The following CCDC181 variants were observed in gnomAD, a reference collection of about 807,000 sequenced individuals.
CCDC181 encodes coiled-coil domain-containing protein 181.
A neutral mutation model predicts 58.7 loss-of-function variants in CCDC181; 35 were observed. The observed-to-expected ratio is 0.60, with a 90% CI of 0.46 to 0.79. The LOEUF is 0.79. CCDC181 is among the 30% of genes least tolerant of loss of function. CCDC181 has a pLI of 0.00. For missense variants in CCDC181, 517 were observed against 583.9 expected (o/e 0.89, Z 1.18); for synonymous variants, 183 against 197.5 (o/e 0.93, Z 0.62).
Position 169,422,287 on chromosome 1 carries a change from A to C in CCDC181, c.144T>G (p.Ile48Met). 6.4e-7 allele frequency: 1 copy of C among 1,571,386 alleles called. No homozygotes were observed. The highest frequency in any genetic ancestry group is 1.2e-5 in the South Asian group (1 of 85,570). ...IEMACEKEEN[I>M]NQDLKENETV... Reference sequence around the variant, plus strand: ...TCTCATTCTCTTTTAAGTCTTGGTTAATATTCTCTTCCTTCTCACAAGCCA... The same window carrying C: ...TCTCATTCTCTTTTAAGTCTTGGTTCATATTCTCTTCCTTCTCACAAGCCA... Residue 48 changes from isoleucine (I) to methionine (M), a missense_variant, in exon 3 of 6, where the codon ATT becomes ATG. Physicochemically the swap from Ile to Met is conservative, Grantham distance 10. Coordinates refer to ENST00000367806, the MANE Select transcript of CCDC181 (RefSeq NM_001300969.2).
At position 169,395,005 on chromosome 1, in the gene CCDC181, AT is replaced by A. The variant is rs776779627; in HGVS notation, c.*41del. 2.3e-5 allele frequency: 35 copies of A among 1,529,586 alleles called. No individual in the cohort carries two copies. In the South Asian group the frequency reaches 4.1e-4, roughly 18 times the overall value. The allele number at this position is 1,529,586 out of a possible 1,614,324, so 94.8% of individuals were successfully genotyped here. A position where few individuals can be genotyped will look rare whatever the true frequency, so the allele number is the denominator to read the frequency against. On this transcript the variant is annotated 3_prime_UTR_variant, in exon 6 of 6. Transcript: ENST00000367806. The stretch of plus-strand genomic sequence containing the variant: ...CAGACCCTAAGAAATCATATCCAAA[AT>A]TTTGATAGCAGCTGCCCACTGAAAT...
In CCDC181 at chr1:169,397,271, T is replaced by C. The variant is rs944149664; in HGVS notation, c.1336A>G (p.Lys446Glu). The change falls in exon 5 of 6, where the codon AAA (lysine) becomes GAA (glutamate). Residue 446 changes from lysine to glutamate, a missense_variant. Lys to Glu is a moderately conservative substitution (Grantham distance 56). Transcript: ENST00000367806. ...GCCCTTTCCCGGCCTTCTGTTCCTT[T>C]AAGGAAGAATAAACATTCCTCTTGC... The part of the protein sequence containing the change: ...RKQEECLFFL[K>E]GTEGRERAFK... 9 of 1,608,660 alleles carry C rather than the reference T, an allele frequency of 5.6e-6. No individual in the cohort carries two copies. Among genetic ancestry groups the C allele is most frequent in the Admixed American group, 1.7e-5 (1 of 58,940 alleles).
rs144653500 is a variant in CCDC181, at chr1:169,439,580, A to G, written c.-23-14630T>C. On this transcript the variant is annotated intron_variant, in intron 2 of 6. Transcript: ENST00000545005. The stretch of plus-strand genomic sequence containing the variant: ...CACGTTTGGTCTCAGGACTCACAGT[A>G]GCATCTCGGGGTGTGTTACAATTAA... Among the ~76,000 whole-genome samples the G allele has an allele frequency of 1.8e-3, 276 of 152,212 alleles. 1 individual carries two copies. Among genetic ancestry groups the G allele is most frequent in the African/African-American group, 6.2e-3 (257 of 41,522 alleles).
At chr1:169,414,949 A>C (rs1656144933) in intron 4 of CCDC181, among the ~76,000 whole-genome samples, 1 of 152,210 alleles carries the variant, frequency 6.6e-6, no homozygotes, top group African/African-American at 2.4e-5. Flanking sequence ...TATATTTTTG[A>C]GACAAACTTG....
At chr1:169,459,360 A>C (rs916399564) in intron 2 of CCDC181, among the ~76,000 whole-genome samples, 7 of 152,174 alleles carry the variant, frequency 4.6e-5, no homozygotes, top group Non-Finnish European at 8.8e-5. Flanking sequence ...GATTTTTGAA[A>C]TATTGCTTCT....
upstream of CCDC181, among the ~76,000 whole-genome samples, chr1:169,430,048 T>A (rs1656869220): frequency 6.6e-6 from 1 of 152,180 alleles, no homozygotes; most frequent in Admixed American, 6.5e-5. Context: ...CCAGCACCAT[T>A]TGTTGAATAT....
At chr1:169,408,450 G>T (rs773153447) in intron 4 of CCDC181, among the ~76,000 whole-genome samples, 2 of 152,252 alleles carry the variant, frequency 1.3e-5, no homozygotes, top group Non-Finnish European at 2.9e-5. Context: ...CCTGGGGGAA[G>T]GGGTGGCTGC....
At chr1:169,409,258 G>GCCAAATTGATAGTT (rs1432739353) in intron 4 of CCDC181, among the ~76,000 whole-genome samples, 3 of 152,118 alleles carry the variant, frequency 2.0e-5, no homozygotes, top group African/African-American at 7.2e-5. Context: ...ACTATCAATA[G>GCCAAATTGATAGTT]CCAAATCAAT....
intron 2 of CCDC181, among the ~76,000 whole-genome samples, chr1:169,447,873 A>G (rs1398344775): frequency 6.6e-6 from 1 of 152,030 alleles, no homozygotes; most frequent in Non-Finnish European, 1.5e-5. Context: ...CCTTTAATCT[A>G]TATATGTCTT....
chr1:169,422,415 G>A, intron 2 of CCDC181, 102 bp from the exon 3 acceptor site: 1 of 788,186 alleles, frequency 1.3e-6, no homozygotes, highest in Non-Finnish European at 1.9e-6. Flanking sequence ...TTATGAATGG[G>A]AAAATTTAAG....
chr1:169,426,026 C>T (rs1557873192), intron 1 of CCDC181, among the ~76,000 whole-genome samples: 1 of 151,880 alleles, frequency 6.6e-6, no homozygotes, highest in East Asian at 1.9e-4. Flanking sequence ...GGTTAGGGGT[C>T]TTTAAGTCAT....
At chr1:169,412,881 G>T (rs2102070486) in intron 4 of CCDC181, among the ~76,000 whole-genome samples, 1 of 152,264 alleles carries the variant, frequency 6.6e-6, no homozygotes, top group South Asian at 2.1e-4. Context: ...ACTCAAGATG[G>T]ATTAAAGATT....
At chr1:169,427,766 A>G (rs530896360), upstream of CCDC181, among the ~76,000 whole-genome samples, 4 of 152,344 alleles carry the variant, frequency 2.6e-5, no homozygotes, top group African/African-American at 9.6e-5. Context: ...TTTAGTTTTC[A>G]TTAGTAGATA....
chr1:169,458,835 A>G (rs1018463619), intron 2 of CCDC181, among the ~76,000 whole-genome samples: 5 of 151,820 alleles, frequency 3.3e-5, no homozygotes, highest in African/African-American at 9.7e-5. Context: ...GATTTTTAAT[A>G]GTCTTTAATT....
chr1:169,419,045 G>T lies in CCDC181; in HGVS notation c.1183C>A (p.Arg395=). ...TTCATGTCTTCAATTTCCTTTGCTC[G>T]CTGAATTCTCCTCATTTCTAAGACC... is the stretch of plus-strand genomic sequence containing the variant. ...EQVLEMRRIQ[R]AKEIEDMNSR... is the part of the protein sequence containing the mutation. The change falls in exon 4 of 6, where the codon CGA becomes AGA. Residue 395 remains arginine, a synonymous_variant. Coordinates refer to ENST00000367806, the MANE Select transcript of CCDC181 (RefSeq NM_001300969.2). The T allele has an allele frequency of 6.2e-7, 1 of 1,613,242 alleles. No homozygotes were observed. The highest frequency in any genetic ancestry group is 8.5e-7 in the Non-Finnish European group (1 of 1,179,722).
intron 2 of CCDC181, among the ~76,000 whole-genome samples, chr1:169,458,040 AT>A (rs1455001729): frequency 5.3e-5 from 8 of 152,010 alleles, no homozygotes; most frequent in African/African-American, 1.4e-4. Flanking sequence ...GACTAAAATT[AT>A]TGCTTGTGGT....
rs961718090 is a variant in CCDC181 at position 169,448,844 on chromosome 1, T to TC, written c.-24+10952dup. 5.3e-5 allele frequency among the ~76,000 whole-genome samples: 8 copies of TC among 152,288 alleles called. No homozygotes were observed. In the East Asian group the frequency reaches 1.3e-3, roughly 26 times the overall value. On this transcript the variant is annotated intron_variant, in intron 2 of 6. Transcript: ENST00000545005. ...GTTCCACAGTTCTTGGGTGTTCTGT[T>TC]CCTTTTTTAAATTCACTTATCTGTT... is the stretch of plus-strand genomic sequence containing the variant.
chr1:169,397,459 G>A (rs1345074155), intron 4 of CCDC181, 68 bp from the exon 5 acceptor site: 8 of 1,349,182 alleles, frequency 5.9e-6, no homozygotes, highest in Non-Finnish European at 6.0e-6. Context: ...CCTGCTTATG[G>A]GATCCTACAA....
At chr1:169,416,368 T>G (rs1343345724) in intron 4 of CCDC181, among the ~76,000 whole-genome samples, 1 of 152,162 alleles carries the variant, frequency 6.6e-6, no homozygotes, top group East Asian at 1.9e-4. Flanking sequence ...AGGATTCACA[T>G]GCTTATTATG....
Sources: gnomAD v4.1 joint callset for allele counts (sites outside exome capture counted in the v4.1 genomes callset) on GRCh38, gnomAD v4.1.1 for gene constraint, MANE v1.5 for transcripts, NCBI Gene and HGNC (gene_info 2026-07-23, HGNC 2026-07-21) for gene names.